The following RAD51AP1 variants were observed in gnomAD, a reference collection of about 807,000 sequenced individuals.
RAD51AP1 encodes RAD51 associated protein 1, also known as RAD51-associated protein 1.
In RAD51AP1, 14 loss-of-function variants were observed where a neutral mutation model predicts 34.3. The ratio of observed to expected loss-of-function variants is 0.41; its 90% CI spans 0.27 to 0.64. The LOEUF (loss-of-function observed/expected upper bound fraction) is 0.64, where lower values mean the gene tolerates loss of function less well. Ranked by LOEUF, RAD51AP1 falls within the 30% of genes least tolerant of loss-of-function variation. RAD51AP1 has a pLI of 0.33. For synonymous variants in RAD51AP1, 114 were observed against 129.8 expected (o/e 0.88, Z 0.83); for missense variants, 348 against 386.9 (o/e 0.90, Z 0.84).
At position 4,545,818 on chromosome 12, in the gene RAD51AP1, A is replaced by G. The variant is rs375960115; in HGVS notation, c.210-491A>G. 8 of 1,613,144 alleles carry G rather than the reference A, an allele frequency of 5.0e-6. No homozygotes were observed. The African/African-American group carries it at 6.7e-5, about 13-fold the overall frequency. On this transcript the variant is annotated intron_variant, in intron 3 of 8. Transcript: ENST00000352618. ...GTACTTTTAGTATTCCAGCTAGTGC[A>G]GTGCCTTGTACAAAGTAAGTGCTTG...
intron 2 of RAD51AP1, among the ~76,000 whole-genome samples, chr12:4,543,354 C>G (rs879649704): frequency 1.3e-5 from 2 of 152,168 alleles, no homozygotes; most frequent in Non-Finnish European, 2.9e-5. Flanking sequence ...AGCCACTGTG[C>G]CTGGCCCAAG....
At chr12:4,553,231 C>A in intron 7 of RAD51AP1, 84 bp downstream of exon 7, 3 of 1,190,990 alleles carry the variant, frequency 2.5e-6, no homozygotes, top group Non-Finnish European at 3.4e-6. Context: ...TGCCTTTGTT[C>A]TCTTTAACAT....
intron 1 of RAD51AP1, among the ~76,000 whole-genome samples, chr12:4,539,225 C>G (rs1008780059): frequency 6.6e-6 from 1 of 152,182 alleles, no homozygotes; most frequent in Non-Finnish European, 1.5e-5. Flanking sequence ...TTACATTTCA[C>G]CGAGCGCCCA....
chr12:4,554,852 C>A (rs1327516048), intron 7 of RAD51AP1, among the ~76,000 whole-genome samples: 1 of 152,122 alleles, frequency 6.6e-6, no homozygotes, highest in East Asian at 1.9e-4. Flanking sequence ...AATATGGTAA[C>A]CTCTAGCCAT....
intron 5 of RAD51AP1, 105 bp from the exon 6 acceptor site, chr12:4,548,582 A>C: frequency 2.2e-6 from 3 of 1,344,796 alleles, no homozygotes; most frequent in Non-Finnish European, 3.1e-6. Context: ...GGAGGGATGA[A>C]CCTGGGCAAA....
chr12:4,545,265 GA>G (rs1430216848), intron 3 of RAD51AP1: 1 of 442,372 alleles, frequency 2.3e-6, no homozygotes, highest in Non-Finnish European at 4.5e-6. Context: ...CTGCAATATG[GA>G]TGAACCTTGG....
At position 4,559,364 on chromosome 12, in the gene RAD51AP1, C is replaced by T. The variant is rs78825444; in HGVS notation, c.*371C>T. 2,313 of 158,272 alleles carry T rather than the reference C, an allele frequency of 0.015. 56 individuals carry two copies. The highest frequency in any genetic ancestry group is 0.052 in the African/African-American group (2,188 of 41,832). 9.8% of individuals were successfully genotyped at this position (158,272 alleles called of 1,614,324 possible). A position where few individuals can be genotyped will look rare whatever the true frequency, so the allele number is the denominator to read the frequency against. On this transcript the variant is annotated 3_prime_UTR_variant, in exon 9 of 9. Coordinates refer to ENST00000352618, the MANE Select transcript of RAD51AP1 (RefSeq NM_006479.5). Reference sequence around the variant, plus strand: ...TTCAGTTTTATCTGGCAGAGGAAAACATTCTTATTTCTTTCAGAAGACATT... The same window carrying T: ...TTCAGTTTTATCTGGCAGAGGAAAATATTCTTATTTCTTTCAGAAGACATT...
intron 7 of RAD51AP1, among the ~76,000 whole-genome samples, chr12:4,554,047 G>GT (rs11435226): frequency 0.11 from 16,232 of 149,472 alleles, 977 homozygotes; most frequent in African/African-American, 0.14. Context: ...TAATTAGAGT[G>GT]TTTTTTTTTT....
At chr12:4,553,173 T>G (rs751994546) in intron 7 of RAD51AP1, 26 bp downstream of exon 7, 5 of 1,468,262 alleles carry the variant, frequency 3.4e-6, no homozygotes, top group Non-Finnish European at 3.6e-6. Context: ...AACACTTAAT[T>G]TTATAAAGGA....
intron 4 of RAD51AP1, among the ~76,000 whole-genome samples, chr12:4,547,501 T>G (rs1465753321): frequency 6.6e-6 from 1 of 152,186 alleles, no homozygotes; most frequent in Non-Finnish European, 1.5e-5. Flanking sequence ...TTTTAAGACA[T>G]TGTAGAATGT....
chr12:4,554,232 C>T (rs1041864294), intron 7 of RAD51AP1, among the ~76,000 whole-genome samples: 1 of 152,104 alleles, frequency 6.6e-6, no homozygotes, highest in Non-Finnish European at 1.5e-5. Context: ...GGCTTGTGGC[C>T]CCTTCCACCT....
In RAD51AP1 at chr12:4,543,907, G is replaced by A. The variant is rs1046172529; in HGVS notation, c.209+3G>A. 1.4e-5 allele frequency: 23 copies of A among 1,598,482 alleles called. No homozygotes were observed. The Admixed American group carries it at 3.4e-4, about 24-fold the overall frequency. ...CAAGAGAAAACCCCTAAAAAAAGGT[G>A]AGAGGTAAGACATGCAGTAAATATA... On this transcript the variant is annotated splice_donor_region_variant and intron_variant, in intron 3 of 8. Transcript: ENST00000352618.
intron 7 of RAD51AP1, among the ~76,000 whole-genome samples, chr12:4,554,704 G>A (rs1944570174): frequency 6.6e-6 from 1 of 152,130 alleles, no homozygotes; most frequent in Non-Finnish European, 1.5e-5. Context: ...TAACCATTAA[G>A]TGATAGGACT....
At position 4,556,420 on chromosome 12, in the gene RAD51AP1, T is replaced by C; in HGVS notation, c.789T>C (p.Ser263=). ...SESQSLPKKV[S]LSSDTTRKPL... ...CTCAGTCCTTGCCAAAAAAGGTTTC[T>C]CTGTCTTCAGATACCACTAGGAAAC... The change falls in exon 8 of 9, where the codon TCT becomes TCC. Residue 263 remains serine, a synonymous_variant. Transcript: ENST00000352618. 6.2e-7 allele frequency: 1 copy of C among 1,613,848 alleles called. No homozygotes were observed. Among genetic ancestry groups the C allele is most frequent in the African/African-American group, 1.3e-5 (1 of 75,062 alleles).
intron 7 of RAD51AP1, among the ~76,000 whole-genome samples, chr12:4,556,011 T>C (rs1287328101): frequency 2.0e-5 from 3 of 152,122 alleles, no homozygotes; most frequent in Non-Finnish European, 4.4e-5. Flanking sequence ...AAGGATGGGA[T>C]TTTGGAGGAA....
chr12:4,541,431 G>T (rs1275604192), intron 1 of RAD51AP1, among the ~76,000 whole-genome samples: 1 of 152,130 alleles, frequency 6.6e-6, no homozygotes, highest in East Asian at 1.9e-4. Context: ...TTATAATCTA[G>T]TAAGGAAGAT....
Position 4,559,108 on chromosome 12 carries a change from T to C in RAD51AP1, c.*115T>C, listed in dbSNP as rs933100668. The C allele has an allele frequency of 2.2e-5, 29 of 1,318,360 alleles. No homozygotes were observed. In the African/African-American group the frequency reaches 3.7e-4, roughly 17 times the overall value. 81.7% of individuals were successfully genotyped at this position (1,318,360 alleles called of 1,614,324 possible). ...TGTAATATAAAGGAATCCATTACCATGTCCTATAAATGACCTCTAGCCATT... is the reference window on the plus strand; with the variant it reads ...TGTAATATAAAGGAATCCATTACCACGTCCTATAAATGACCTCTAGCCATT... On this transcript the variant is annotated 3_prime_UTR_variant, in exon 9 of 9. Transcript: ENST00000352618.
intron 1 of RAD51AP1, 50 bp from the exon 2 acceptor site, chr12:4,541,831 AGTG>A: frequency 1.2e-6 from 1 of 836,776 alleles, no homozygotes. Flanking sequence ...CTTAAGTAAT[AGTG>A]GTGAGAAATT....
Position 4,546,411 on chromosome 12 carries a change from A to G in RAD51AP1, c.312A>G (p.Gln104=). Reference sequence around the variant, plus strand: ...TCACCACTAATGTGCAGAACTCTCAAGATAAAAGTAACTTTATTTTCTGTA... The same window carrying G: ...TCACCACTAATGTGCAGAACTCTCAGGATAAAAGTAACTTTATTTTCTGTA... The part of the protein sequence containing the change: ...PTVTTNVQNS[Q]DKSIEKHGSS... Residue 104 remains glutamine, a synonymous_variant, in exon 4 of 9, where the codon CAA becomes CAG. Coordinates refer to ENST00000352618, the MANE Select transcript of RAD51AP1 (RefSeq NM_006479.5). The G allele has an allele frequency of 6.3e-7, 1 of 1,598,598 alleles. No individual in the cohort carries two copies. The highest frequency in any genetic ancestry group is 8.6e-7 in the Non-Finnish European group (1 of 1,168,862).
Sources: gnomAD v4.1 joint callset for allele counts (sites outside exome capture counted in the v4.1 genomes callset) on GRCh38, gnomAD v4.1.1 for gene constraint, MANE v1.5 for transcripts, NCBI Gene and HGNC (gene_info 2026-07-23, HGNC 2026-07-21) for gene names.